The following ELAPOR2 variants were observed in gnomAD, a reference collection of about 807,000 sequenced individuals.
ELAPOR2 encodes the protein endosome/lysosome-associated apoptosis and autophagy regulator family member 2.
In ELAPOR2, 89 loss-of-function variants were observed where a neutral mutation model predicts 120.7. That is an observed-to-expected ratio of 0.74 (90% CI 0.62 to 0.88). ELAPOR2 has a LOEUF of 0.88. ELAPOR2 is among the 40% of genes least tolerant of loss of function. The pLI, the probability that ELAPOR2 is intolerant of heterozygous loss-of-function variation, is 0.00. For synonymous variants in ELAPOR2, 444 were observed against 444.9 expected (o/e 1.00, Z 0.03); for missense variants, 1,134 against 1,251.6 (o/e 0.91, Z 1.42).
chr7:86,954,419 C>A (rs1050306537), intron 2 of ELAPOR2, among the ~76,000 whole-genome samples: 2 of 152,138 alleles, frequency 1.3e-5, no homozygotes, highest in African/African-American at 4.8e-5. Flanking sequence ...CTATGGCTGT[C>A]AATTACATTT....
chr7:86,898,785 G>A lies in ELAPOR2; in HGVS notation c.2559-1153C>T, dbSNP rs528897183. Among the ~76,000 whole-genome samples, 4 of 152,228 alleles carry A rather than the reference G, an allele frequency of 2.6e-5. No individual in the cohort carries two copies. The East Asian group carries it at 7.7e-4, about 29-fold the overall frequency. On this transcript the variant is annotated intron_variant, in intron 18 of 21. Coordinates refer to ENST00000450689, the MANE Select transcript of ELAPOR2 (RefSeq NM_001142749.3). ...AATGAGTGAGTGCTGGGCATATGGA[G>A]AGAAACTAGGTAATGAAAGGCCTCA...
intron 3 of ELAPOR2, 145 bp downstream of exon 3, chr7:86,947,582 C>T (rs1562938040): frequency 1.5e-6 from 1 of 689,616 alleles, no homozygotes; most frequent in Non-Finnish European, 2.4e-6. Context: ...ATTGCAATGA[C>T]CGTCCAAAAA....
intron 2 of ELAPOR2, among the ~76,000 whole-genome samples, chr7:86,964,580 T>TAA (rs1185904706): frequency 1.3e-5 from 2 of 152,196 alleles, no homozygotes; most frequent in African/African-American, 2.4e-5. Context: ...AAGTTATGTG[T>TAA]ATTTCAACAG....
intron 1 of ELAPOR2, among the ~76,000 whole-genome samples, chr7:87,045,645 T>C (rs1794930010): frequency 6.6e-6 from 1 of 151,384 alleles, no homozygotes; most frequent in Admixed American, 6.6e-5. Flanking sequence ...CATTGGGAGA[T>C]ATACCTAATG....
At chr7:87,026,106 A>G (rs1466352184) in intron 1 of ELAPOR2, among the ~76,000 whole-genome samples, 2 of 152,126 alleles carry the variant, frequency 1.3e-5, no homozygotes, top group Admixed American at 6.6e-5. Context: ...AAGCACTGAG[A>G]AAAAGATGCC....
At chr7:86,975,178 C>A (rs1792243039) in intron 1 of ELAPOR2, among the ~76,000 whole-genome samples, 1 of 152,114 alleles carries the variant, frequency 6.6e-6, no homozygotes, top group Non-Finnish European at 1.5e-5. Context: ...TTCAGCTAAG[C>A]CGCTGGCAGA....
At position 86,924,635 on chromosome 7, in the gene ELAPOR2, T is replaced by C. The variant is rs114957914; in HGVS notation, c.1399+893A>G. On this transcript the variant is annotated intron_variant, in intron 10 of 21. Coordinates refer to ENST00000450689, the MANE Select transcript of ELAPOR2 (RefSeq NM_001142749.3). ...AAGACTAGCTCACATTTAATATATATACTGAGGCTTTGTCTTTTCCTCTTT... is the reference window on the plus strand; with the variant it reads ...AAGACTAGCTCACATTTAATATATACACTGAGGCTTTGTCTTTTCCTCTTT... Among the ~76,000 whole-genome samples the C allele has an allele frequency of 3.0e-3, 460 of 152,138 alleles. 4 individuals are homozygous for C. The highest frequency in any genetic ancestry group is 0.011 in the African/African-American group (440 of 41,548).
chr7:86,916,506 G>A (rs970351034), intron 12 of ELAPOR2, among the ~76,000 whole-genome samples: 1 of 152,148 alleles, frequency 6.6e-6, no homozygotes, highest in African/African-American at 2.4e-5. Flanking sequence ...CAGAGGCTGG[G>A]GAAAGAAAGA....
At chr7:86,965,144 C>T in intron 1 of ELAPOR2, 120 bp from the exon 2 acceptor site, 3 of 962,966 alleles carry the variant, frequency 3.1e-6, no homozygotes, top group Middle Eastern at 2.5e-4. Context: ...TCTTATCCCT[C>T]CCCCATCCCA....
intron 1 of ELAPOR2, among the ~76,000 whole-genome samples, chr7:86,969,510 T>C (rs948474606): frequency 6.6e-6 from 1 of 152,208 alleles, no homozygotes; most frequent in South Asian, 2.1e-4. Flanking sequence ...CATTATTTCC[T>C]GGCACTTAAT....
intron 1 of ELAPOR2, among the ~76,000 whole-genome samples, chr7:87,020,177 A>G (rs987070721): frequency 6.6e-6 from 1 of 152,136 alleles, no homozygotes; most frequent in African/African-American, 2.4e-5. Flanking sequence ...ACATACACAC[A>G]TATGTATATG....
intron 1 of ELAPOR2, among the ~76,000 whole-genome samples, chr7:87,025,534 G>A (rs1342674422): frequency 6.6e-6 from 1 of 152,000 alleles, no homozygotes; most frequent in African/African-American, 2.4e-5. Flanking sequence ...TCTTGTAACT[G>A]GGTCTCTTGA....
At chr7:86,933,832 T>C (rs1370258454) in intron 8 of ELAPOR2, among the ~76,000 whole-genome samples, 1 of 151,978 alleles carries the variant, frequency 6.6e-6, no homozygotes, top group Non-Finnish European at 1.5e-5. Context: ...GCTTCATGTA[T>C]TTGTTTCATG....
At chr7:86,971,652 A>AG (rs1792111486) in intron 1 of ELAPOR2, among the ~76,000 whole-genome samples, 1 of 152,020 alleles carries the variant, frequency 6.6e-6, no homozygotes, top group Non-Finnish European at 1.5e-5. Context: ...AAGAGAGCAG[A>AG]GTAAAGGATT....
At chr7:86,926,642 C>T in intron 9 of ELAPOR2, 94 bp downstream of exon 9, 2 of 1,251,910 alleles carry the variant, frequency 1.6e-6, no homozygotes, top group Non-Finnish European at 2.2e-6. Context: ...AATTCTGTAA[C>T]CACTTTCCAT....
chr7:87,018,413 T>C (rs1793935707), intron 1 of ELAPOR2, among the ~76,000 whole-genome samples: 2 of 152,214 alleles, frequency 1.3e-5, no homozygotes, highest in South Asian at 4.1e-4. Flanking sequence ...TATCAATTCA[T>C]ATAACTTATT....
chr7:86,908,636 T>A (rs1789151337), intron 16 of ELAPOR2, 93 bp from the exon 17 acceptor site: 2 of 574,242 alleles, frequency 3.5e-6, no homozygotes, highest in Non-Finnish European at 6.0e-6. Context: ...CTTTAATGAC[T>A]GTCATTTTAC....
At chr7:86,944,806 G>A in intron 4 of ELAPOR2, 93 bp downstream of exon 4, 1 of 1,029,452 alleles carries the variant, frequency 9.7e-7, no homozygotes, top group Non-Finnish European at 1.4e-6. Flanking sequence ...AAAAAAAACT[G>A]AGGAGGAATA....
chr7:87,025,826 ATATGT>A (rs1299052823), intron 1 of ELAPOR2, among the ~76,000 whole-genome samples: 6 of 151,926 alleles, frequency 3.9e-5, no homozygotes, highest in African/African-American at 1.5e-4. Context: ...CATGTTAGAC[ATATGT>A]TATATTTTTG....
Sources: gnomAD v4.1 joint callset for allele counts (sites outside exome capture counted in the v4.1 genomes callset) on GRCh38, gnomAD v4.1.1 for gene constraint, MANE v1.5 for transcripts, NCBI Gene and HGNC (gene_info 2026-07-23, HGNC 2026-07-21) for gene names.